Variants in YEATS2 observed in about 807,000 individuals in gnomAD.
YEATS2 encodes the protein YEATS domain containing 2.
In YEATS2, 77 loss-of-function variants were observed where a neutral mutation model predicts 163.2. The ratio of observed to expected loss-of-function variants is 0.47; its 90% CI spans 0.39 to 0.57. YEATS2 has a LOEUF of 0.57. Among genes scored for constraint, YEATS2 ranks in the 20% least tolerant of loss-of-function variants. The pLI is 0.00. For missense variants in YEATS2, 1,549 were observed against 1,729.8 expected, an observed-to-expected ratio of 0.90 and a Z score of 1.85; for synonymous variants, 631 against 645.1, an observed-to-expected ratio of 0.98 and a Z score of 0.33.
chr3:183,807,223 T>G (rs1226444929), intron 28 of YEATS2, 131 bp downstream of exon 28: 3 of 802,864 alleles, frequency 3.7e-6, no homozygotes, highest in Non-Finnish European at 5.9e-6. Flanking sequence ...ACTCTTCTGG[T>G]GCCGTAGATG....
chr3:183,807,751 C>T, intron 28 of YEATS2: 2 of 356,562 alleles, frequency 5.6e-6, no homozygotes, highest in Non-Finnish European at 1.0e-5. Flanking sequence ...TATCAGAACC[C>T]AGGCAGATCC....
At chr3:183,794,497 A>G (rs1724953807) in intron 21 of YEATS2, among the ~76,000 whole-genome samples, 1 of 152,232 alleles carries the variant, frequency 6.6e-6, no homozygotes, top group African/African-American at 2.4e-5. Context: ...GGGTAGAACT[A>G]TTTCTGACAA....
chr3:183,781,119 T>A (rs1434049977), intron 19 of YEATS2, among the ~76,000 whole-genome samples: 1 of 152,088 alleles, frequency 6.6e-6, no homozygotes, highest in Non-Finnish European at 1.5e-5. Flanking sequence ...ATAATATATA[T>A]AGATATTAAG....
At chr3:183,767,628 G>C (rs1012749867) in intron 15 of YEATS2, among the ~76,000 whole-genome samples, 1 of 152,020 alleles carries the variant, frequency 6.6e-6, no homozygotes, top group African/African-American at 2.4e-5. Flanking sequence ...TGATCTGCCC[G>C]CCTTGGCCTC....
chr3:183,747,626 A>G, intron 8 of YEATS2, 46 bp from the exon 9 acceptor site: 1 of 1,540,292 alleles, frequency 6.5e-7, no homozygotes, highest in East Asian at 2.3e-5. Context: ...ATAATATGTA[A>G]GTAAGTGCAG....
intron 22 of YEATS2, 120 bp downstream of exon 22, chr3:183,798,171 C>A: frequency 7.1e-7 from 1 of 1,414,468 alleles, no homozygotes; most frequent in Non-Finnish European, 9.6e-7. Flanking sequence ...GTATTCCCAG[C>A]GCCTGTGTAC....
At position 183,752,088 on chromosome 3, in the gene YEATS2, C is replaced by A; in HGVS notation, c.985C>A (p.Leu329Ile). Residue 329 changes from leucine to isoleucine, a missense_variant, in exon 10 of 31, where the codon CTC becomes ATC. Transcript: ENST00000305135. Reference protein sequence around the residue: ...LGAETVVDVELHRHSLGEDCI... With the variant: ...LGAETVVDVEIHRHSLGEDCI... ...AATTGTCTAGGTAGTGGATGTTGAA[C>A]TCCATCGCCATTCTCTCGGAGAAGA... 6.2e-7 allele frequency: 1 copy of A among 1,614,044 alleles called. No homozygotes were observed.
At chr3:183,806,712 C>T (rs912398482) in intron 27 of YEATS2, 154 bp from the exon 28 acceptor site, 4 of 711,626 alleles carry the variant, frequency 5.6e-6, no homozygotes, top group Non-Finnish European at 9.3e-6. Context: ...ATTACTAGTT[C>T]TCATCATTAT....
At chr3:183,736,637 T>G (rs1718371473) in intron 7 of YEATS2, 81 bp from the exon 8 acceptor site, 1 of 921,880 alleles carries the variant, frequency 1.1e-6, no homozygotes, top group African/African-American at 1.7e-5. Flanking sequence ...AATTTCTGAT[T>G]TATGCATTAT....
intron 27 of YEATS2, chr3:183,806,565 C>T (rs1220251804): frequency 1.1e-5 from 5 of 446,016 alleles, no homozygotes; most frequent in African/African-American, 1.0e-4. Context: ...TCAGGTCAGT[C>T]CTTAATACTC....
intron 12 of YEATS2, among the ~76,000 whole-genome samples, chr3:183,757,036 A>G (rs921368098): frequency 1.3e-5 from 2 of 152,188 alleles, no homozygotes; most frequent in Non-Finnish European, 1.5e-5. Context: ...AGCTTTTGCT[A>G]ACCTTGTGGG....
intron 7 of YEATS2, among the ~76,000 whole-genome samples, chr3:183,733,383 G>C (rs1370259473): frequency 6.6e-6 from 1 of 152,152 alleles, no homozygotes; most frequent in Non-Finnish European, 1.5e-5. Context: ...GTTGTCACTT[G>C]TGTGACTTTG....
intron 15 of YEATS2, among the ~76,000 whole-genome samples, chr3:183,770,591 A>G (rs1181204222): frequency 6.6e-6 from 1 of 152,192 alleles, no homozygotes; most frequent in Non-Finnish European, 1.5e-5. Context: ...TCTCCAAATA[A>G]AACATTTCTG....
At chr3:183,757,744 G>A (rs1205030697) in intron 12 of YEATS2, among the ~76,000 whole-genome samples, 1 of 151,000 alleles carries the variant, frequency 6.6e-6, no homozygotes, top group Non-Finnish European at 1.5e-5. Context: ...TTTAACACAT[G>A]AATGTATGTT....
intron 1 of YEATS2, among the ~76,000 whole-genome samples, chr3:183,702,572 C>T (rs1577021055): frequency 1.3e-5 from 2 of 152,056 alleles, no homozygotes; most frequent in Non-Finnish European, 2.9e-5. Flanking sequence ...TGCTGTAGCT[C>T]ACGCCTATAA....
At chr3:183,807,156 C>T in intron 28 of YEATS2, 64 bp downstream of exon 28, 2 of 1,451,130 alleles carry the variant, frequency 1.4e-6, no homozygotes, top group Non-Finnish European at 1.9e-6. Flanking sequence ...TTCAGACGTT[C>T]AGCTTCACAG....
At chr3:183,729,670 C>T (rs936628183) in intron 7 of YEATS2, among the ~76,000 whole-genome samples, 1 of 93,986 alleles carries the variant, frequency 1.1e-5, no homozygotes, top group African/African-American at 5.3e-5. Flanking sequence ...TAGGTGTGTT[C>T]TTTACATTTT....
chr3:183,790,728 G>A (rs993008171), intron 20 of YEATS2, 69 bp from the exon 21 acceptor site: 79 of 1,548,514 alleles, frequency 5.1e-5, no homozygotes, highest in African/African-American at 2.6e-4. Context: ...CTGTGTGGCC[G>A]TCACCGCCGT....
At position 183,773,761 on chromosome 3, in the gene YEATS2, C is replaced by G. The variant is rs1381043348; in HGVS notation, c.2335C>G (p.Gln779Glu). ...SGKGKLLLIPQGAILRATNNA... is the reference protein window; with the variant it reads ...SGKGKLLLIPEGAILRATNNA... ...AAAAGGAAAACTGCTGCTGATCCCT[C>G]AAGGAGCCATCCTGCGAGCTACGAA... is the stretch of plus-strand genomic sequence containing the variant. Residue 779 changes from glutamine (Q) to glutamate (E), a missense_variant, in exon 17 of 31, where the codon CAA (glutamine) becomes GAA (glutamate). Coordinates refer to ENST00000305135, the MANE Select transcript of YEATS2 (RefSeq NM_018023.5). 1 of 1,612,128 alleles carries G rather than the reference C, an allele frequency of 6.2e-7. No homozygotes were observed.
Sources: gnomAD v4.1 joint callset for allele counts (sites outside exome capture counted in the v4.1 genomes callset) on GRCh38, gnomAD v4.1.1 for gene constraint, MANE v1.5 for transcripts, NCBI Gene and HGNC (gene_info 2026-07-23, HGNC 2026-07-21) for gene names.